Variants in NOX5 observed in about 807,000 individuals in gnomAD.
NOX5 encodes the protein NADPH oxidase, EF-hand calcium binding domain 5.
NOX5 carries 76 observed loss-of-function variants against 85.7 expected under a neutral mutation model. The ratio of observed to expected loss-of-function variants is 0.89; its 90% CI spans 0.74 to 1.07. The LOEUF is 1.07. NOX5 is among the 50% of genes least tolerant of loss of function. The pLI is 0.00. For missense variants in NOX5, 973 were observed against 999.5 expected (o/e 0.97, Z 0.36); for synonymous variants, 405 against 401.4 (o/e 1.01, Z -0.11).
At chr15:69,039,042 T>A in intron 9 of NOX5, 53 bp downstream of exon 9, 1 of 1,596,332 alleles carries the variant, frequency 6.3e-7, no homozygotes, top group Non-Finnish European at 8.6e-7. Flanking sequence ...GTTCCTACCG[T>A]GGGCCAAGTA....
chr15:69,020,374 A>G (rs369798741), intron 1 of NOX5, among the ~76,000 whole-genome samples: 1 of 152,154 alleles, frequency 6.6e-6, no homozygotes, highest in Non-Finnish European at 1.5e-5. Context: ...AGATGATACA[A>G]ATTTCCTATA....
rs2050460973 is a variant in NOX5, at chr15:69,033,082, CCCGCGCCGG to C, written c.668_676del (p.Arg223_Arg225del). ...TGACGGCCCCCGCCCCCCGCCCACG[CCCGCGCCGG>C]CCGCGCCAGCTGACCCGCGCCTACT... On this transcript the variant is annotated inframe_deletion, in exon 5 of 16. Coordinates refer to ENST00000388866, the MANE Select transcript of NOX5 (RefSeq NM_024505.4). 2 of 1,558,492 alleles carry C rather than the reference CCCGCGCCGG, an allele frequency of 1.3e-6. No homozygotes were observed. Among genetic ancestry groups the C allele is most frequent in the Non-Finnish European group, 1.7e-6 (2 of 1,161,068 alleles).
intron 1 of NOX5, among the ~76,000 whole-genome samples, chr15:69,025,915 C>G (rs370106559): frequency 2.0e-5 from 3 of 152,162 alleles, no homozygotes; most frequent in Non-Finnish European, 4.4e-5. Context: ...GAGTTAAGAC[C>G]TGAGGGCTGA....
At chr15:69,038,627 C>T (rs929006245) in intron 8 of NOX5, among the ~76,000 whole-genome samples, 5 of 152,154 alleles carry the variant, frequency 3.3e-5, no homozygotes, top group African/African-American at 1.2e-4. Context: ...AAACCAGGGG[C>T]CCCAATTCAG....
chr15:69,037,443 T>G (rs1249059749), intron 8 of NOX5: 7 of 535,390 alleles, frequency 1.3e-5, no homozygotes, highest in African/African-American at 1.9e-5. Context: ...AATCCGATTT[T>G]GGGGAGAACA....
At chr15:69,031,158 C>A (rs1484905563) in intron 3 of NOX5, 5 of 270,592 alleles carry the variant, frequency 1.8e-5, no homozygotes, top group Non-Finnish European at 3.5e-5. Context: ...CCAAGTTGAA[C>A]AACAAGGCAC....
intron 7 of NOX5, among the ~76,000 whole-genome samples, chr15:69,036,519 G>A (rs2050518395): frequency 6.6e-6 from 1 of 152,140 alleles, no homozygotes; most frequent in African/African-American, 2.4e-5. Context: ...GACATATACT[G>A]AGCACGTACC....
At chr15:69,055,298 A>G in intron 14 of NOX5, 36 bp from the exon 15 acceptor site, 1 of 1,608,728 alleles carries the variant, frequency 6.2e-7, no homozygotes, top group Non-Finnish European at 8.5e-7. Context: ...GATGGGTACT[A>G]GACCCTCAGT....
chr15:69,026,198 C>T (rs918011800), intron 1 of NOX5, among the ~76,000 whole-genome samples: 4 of 152,200 alleles, frequency 2.6e-5, no homozygotes, highest in African/African-American at 9.7e-5. Flanking sequence ...AAGTCATTGT[C>T]ATGATGTTAA....
chr15:69,046,591 A>G (rs370224212), intron 10 of NOX5, among the ~76,000 whole-genome samples: 12 of 152,276 alleles, frequency 7.9e-5, no homozygotes, highest in African/African-American at 2.9e-4. Flanking sequence ...TACACCACAG[A>G]AATGGGCAGA....
At chr15:69,038,721 C>A in intron 8 of NOX5, 136 bp from the exon 9 acceptor site, 2 of 1,235,920 alleles carry the variant, frequency 1.6e-6, no homozygotes, top group Non-Finnish European at 2.3e-6. Context: ...CACTCAGAAG[C>A]ACAGAAGAGT....
rs768058504 is a variant in NOX5, at chr15:69,031,594, C to G, written c.402C>G (p.Leu134=). ...GAGPHWASSP[L]GTGSGSIDPD... Reference sequence around the variant, plus strand: ...GCCCGCACTGGGCTTCATCCCCACTCGGGACAGGCAGTGGCTCCATTGACC... The same window carrying G: ...GCCCGCACTGGGCTTCATCCCCACTGGGGACAGGCAGTGGCTCCATTGACC... Residue 134 remains leucine, a synonymous_variant, in exon 4 of 16, where the codon CTC becomes CTG. Coordinates refer to ENST00000388866, the MANE Select transcript of NOX5 (RefSeq NM_024505.4). 13 of 1,613,032 alleles carry G rather than the reference C, an allele frequency of 8.1e-6. No individual in the cohort carries two copies. Among genetic ancestry groups the G allele is most frequent in the Non-Finnish European group, 1.0e-5 (12 of 1,180,044 alleles).
intron 5 of NOX5, among the ~76,000 whole-genome samples, chr15:69,035,144 C>T (rs1432614453): frequency 1.3e-5 from 2 of 152,142 alleles, no homozygotes; most frequent in African/African-American, 2.4e-5. Flanking sequence ...CATTCTGTAA[C>T]TTTCTCTTCC....
intron 1 of NOX5, among the ~76,000 whole-genome samples, chr15:69,015,798 G>T (rs572390409): frequency 4.6e-5 from 7 of 151,982 alleles, no homozygotes; most frequent in South Asian, 2.1e-4. Flanking sequence ...AATGTCTTTG[G>T]GGGGGCAGTG....
chr15:69,028,828 A>G (rs922004762), intron 3 of NOX5: 7 of 129,080 alleles, frequency 5.4e-5, no homozygotes, highest in African/African-American at 1.8e-4. Context: ...TACACACGCC[A>G]CACACCTTTT....
rs1013526979 is a variant in NOX5, at chr15:69,026,987, C to T, written c.174+336C>T. Among the ~76,000 whole-genome samples, 3 of 152,198 alleles carry T rather than the reference C, an allele frequency of 2.0e-5. No individual in the cohort carries two copies. In the South Asian group the frequency reaches 6.2e-4, roughly 32 times the overall value. On this transcript the variant is annotated intron_variant, in intron 2 of 15. Transcript: ENST00000388866. ...TCAATGGTCTATACCTATTAAAGTCCTGTCTGCTGTGGCACACTGTTCCCA... is the reference window on the plus strand; with the variant it reads ...TCAATGGTCTATACCTATTAAAGTCTTGTCTGCTGTGGCACACTGTTCCCA...
intron 1 of NOX5, chr15:69,023,195 T>G (rs1006767370): frequency 7.6e-6 from 2 of 262,446 alleles, no homozygotes; most frequent in Non-Finnish European, 1.5e-5. Context: ...CTAAGAGAGA[T>G]AAGTCACTCA....
rs74997418 is a variant in NOX5, at chr15:69,014,952, G to A, written c.50+167G>A. Among the ~76,000 whole-genome samples the A allele has an allele frequency of 6.9e-3, 1,056 of 152,284 alleles. 14 individuals carry two copies. The highest frequency in any genetic ancestry group is 0.025 in the African/African-American group (1,028 of 41,562). On this transcript the variant is annotated intron_variant, in intron 1 of 15. Coordinates refer to ENST00000388866, the MANE Select transcript of NOX5 (RefSeq NM_024505.4). ...TAGCAAGCTGGGCAATCTTGGATAA[G>A]TCACCAGCCCTCTCTGGGTCTGTTT...
rs1020272876 is a variant in NOX5, at chr15:69,060,979, G to T, written c.*4283G>T. 1 of 152,198 alleles carries T rather than the reference G, an allele frequency of 6.6e-6. No homozygotes were observed. Among genetic ancestry groups the T allele is most frequent in the Non-Finnish European group, 1.5e-5 (1 of 68,042 alleles). The allele number at this position is 152,198 out of a possible 1,614,324, so 9.4% of individuals were successfully genotyped here. ...ATGATGCCCAAATGCTAAGCAGTTC[G>T]CAGTGGTTAACTGTGGAGGAGGCAA... On this transcript the variant is annotated 3_prime_UTR_variant, in exon 16 of 16. Transcript: ENST00000388866.
Sources: gnomAD v4.1 joint callset for allele counts (sites outside exome capture counted in the v4.1 genomes callset) on GRCh38, gnomAD v4.1.1 for gene constraint, MANE v1.5 for transcripts, NCBI Gene and HGNC (gene_info 2026-07-23, HGNC 2026-07-21) for gene names.